The following UBR2 variants were observed in gnomAD, a reference collection of about 807,000 sequenced individuals.
The protein encoded by UBR2 is E3 ubiquitin-protein ligase UBR2.
In UBR2, 92 loss-of-function variants were observed where a neutral mutation model predicts 247.9. The observed-to-expected ratio is 0.37, with a 90% confidence interval of 0.31 to 0.44. The LOEUF is 0.44. Among genes scored for constraint, UBR2 ranks in the 20% least tolerant of loss-of-function variants. The pLI is 1.00. For missense variants in UBR2, 1,613 were observed against 2,112.6 expected, an observed-to-expected ratio of 0.76 and a Z score of 4.64; for synonymous variants, 672 against 693.5, an observed-to-expected ratio of 0.97 and a Z score of 0.49.
Position 42,691,505 on chromosome 6 carries a change from G to A in UBR2, c.*332G>A, listed in dbSNP as rs145173254. 213 of 300,970 alleles carry A rather than the reference G, an allele frequency of 7.1e-4. 3 individuals are homozygous for A. In the East Asian group the frequency reaches 9.4e-3, roughly 13 times the overall value. 18.6% of individuals were successfully genotyped at this position (300,970 alleles called of 1,614,324 possible). A position where few individuals can be genotyped will look rare whatever the true frequency, so the allele number is the denominator to read the frequency against. The stretch of plus-strand genomic sequence containing the variant: ...TTCACGTTATTGATGATAGTGAACC[G>A]TGGGTCCGAAGCTGACTCAACGGAG... On this transcript the variant is annotated 3_prime_UTR_variant, in exon 47 of 47. Coordinates refer to ENST00000372901, the MANE Select transcript of UBR2 (RefSeq NM_001363705.2).
At chr6:42,671,251 TA>T (rs1319706897) in intron 36 of UBR2, among the ~76,000 whole-genome samples, 4 of 151,346 alleles carry the variant, frequency 2.6e-5, no homozygotes, top group Admixed American at 6.6e-5. Flanking sequence ...ACACAAATTT[TA>T]AAATTGGCTA....
intron 11 of UBR2, among the ~76,000 whole-genome samples, chr6:42,631,676 G>A (rs1246665431): frequency 1.3e-5 from 2 of 151,402 alleles, no homozygotes; most frequent in Admixed American, 6.6e-5. Flanking sequence ...AAAGAATGAC[G>A]AGCATTTGTA....
rs1358137370 is a variant in UBR2 at position 42,615,196 on chromosome 6, T to G, written c.1093+18T>G. The G allele has an allele frequency of 6.3e-7, 1 of 1,593,186 alleles. No homozygotes were observed. The highest frequency in any genetic ancestry group is 2.3e-5 in the East Asian group (1 of 44,372). On this transcript the variant is annotated intron_variant, in intron 9 of 46. Transcript: ENST00000372901. Reference sequence around the variant, plus strand: ...ATGGAAAGGTGAATCTCTTAACTACTTTTAAGGTGTAGAGGAACCTATATA... The same window carrying G: ...ATGGAAAGGTGAATCTCTTAACTACGTTTAAGGTGTAGAGGAACCTATATA...
Position 42,659,624 on chromosome 6 carries a change from CATTA to C in UBR2, c.3243-27_3243-24del. 3 of 1,593,302 alleles carry C rather than the reference CATTA, an allele frequency of 1.9e-6. No homozygotes were observed. The South Asian group carries it at 3.4e-5, about 18-fold the overall frequency. ...GTGATTATATAGAAAGTTTTGGGAT[CATTA>C]ATTATATTCATAACCTTTGTATTGC... On this transcript the variant is annotated intron_variant, in intron 29 of 46. Coordinates refer to ENST00000372901, the MANE Select transcript of UBR2 (RefSeq NM_001363705.2). The surrounding 1 kb of genome is among the most constrained non-coding windows in gnomAD (Gnocchi z 4.3).
At chr6:42,587,943 G>A (rs1330888947) in intron 2 of UBR2, among the ~76,000 whole-genome samples, 1 of 152,060 alleles carries the variant, frequency 6.6e-6, no homozygotes, top group Non-Finnish European at 1.5e-5. Context: ...TCTGACACCA[G>A]GTATGTGGGT....
At chr6:42,587,456 C>G (rs1238524956) in intron 2 of UBR2, among the ~76,000 whole-genome samples, 1 of 152,100 alleles carries the variant, frequency 6.6e-6, no homozygotes, top group Non-Finnish European at 1.5e-5. Context: ...CTCCCAGGTT[C>G]AAGCAATCCT....
chr6:42,671,727 G>C (rs1254029206), intron 36 of UBR2, among the ~76,000 whole-genome samples: 2 of 151,794 alleles, frequency 1.3e-5, no homozygotes, highest in African/African-American at 2.4e-5. Context: ...TGCCTCTGTG[G>C]CTCCTGCCTC....
chr6:42,583,946 A>G (rs1222096501), intron 2 of UBR2, among the ~76,000 whole-genome samples: 1 of 151,224 alleles, frequency 6.6e-6, no homozygotes, highest in African/African-American at 2.4e-5. Context: ...TTCTTGACAT[A>G]CAGATATTTA....
At chr6:42,687,390 A>G (rs879834837) in intron 44 of UBR2, among the ~76,000 whole-genome samples, 96 of 152,230 alleles carry the variant, frequency 6.3e-4, no homozygotes, top group Non-Finnish European at 9.8e-4. Flanking sequence ...AGGCTGAGAC[A>G]GGAGAATCAG....
At position 42,564,301 on chromosome 6, in the gene UBR2, G is replaced by GGGA. The variant is rs773109755; in HGVS notation, c.-8_-6dup. The GGGA allele has an allele frequency of 3.7e-6, 6 of 1,603,878 alleles. No individual in the cohort carries two copies. The highest frequency in any genetic ancestry group is 4.3e-6 in the Non-Finnish European group (5 of 1,176,154). On this transcript the variant is annotated 5_prime_UTR_variant, in exon 1 of 47. Coordinates refer to ENST00000372901, the MANE Select transcript of UBR2 (RefSeq NM_001363705.2). ...AGCTCTCCGGGCGGCGGTAGCGCTG[G>GGGA]GGAGGAGGAGGAGAGAAGATGGCGT...
At chr6:42,595,110 G>A (rs1389873970) in intron 4 of UBR2, among the ~76,000 whole-genome samples, 1 of 152,042 alleles carries the variant, frequency 6.6e-6, no homozygotes, top group Non-Finnish European at 1.5e-5. Context: ...AGCAAATCAG[G>A]GTAATTAACA....
At chr6:42,660,865 G>A (rs1418699173) in intron 30 of UBR2, among the ~76,000 whole-genome samples, 1 of 151,868 alleles carries the variant, frequency 6.6e-6, no homozygotes, top group Non-Finnish European at 1.5e-5. Flanking sequence ...TACTCAAGAG[G>A]CTGAGGCATG....
chr6:42,613,441 G>A (rs1794218346), intron 8 of UBR2, among the ~76,000 whole-genome samples: 1 of 152,170 alleles, frequency 6.6e-6, no homozygotes. Flanking sequence ...TATCTTTCCA[G>A]GCTGACACGG....
At position 42,625,848 on chromosome 6, in the gene UBR2, C is replaced by T. The variant is rs150708006; in HGVS notation, c.1282-6704C>T. ...TTTTTTTTTGAGGCGGAGTCTCGCTCTGTCGCCCAGGTTGGAGTGCAGTGG... is the reference window on the plus strand; with the variant it reads ...TTTTTTTTTGAGGCGGAGTCTCGCTTTGTCGCCCAGGTTGGAGTGCAGTGG... On this transcript the variant is annotated intron_variant, in intron 11 of 46. Transcript: ENST00000372901. 1.5e-3 allele frequency among the ~76,000 whole-genome samples: 220 copies of T among 148,682 alleles called. 2 individuals are homozygous for T. Among genetic ancestry groups the T allele is most frequent in the African/African-American group, 4.7e-3 (189 of 40,306 alleles).
chr6:42,564,378 C>T lies in UBR2; in HGVS notation c.59C>T (p.Ser20Leu). ...QAIDRSLLECSAEEIAGKWLQ... is the reference protein window; with the variant it reads ...QAIDRSLLECLAEEIAGKWLQ... Reference sequence around the variant, plus strand: ...ATCGACCGGAGCTTGCTGGAATGTTCGGCCGAGGAGATTGCGGGGGTGAGT... The same window carrying T: ...ATCGACCGGAGCTTGCTGGAATGTTTGGCCGAGGAGATTGCGGGGGTGAGT... Residue 20 changes from serine (S) to leucine (L), a missense_variant, in exon 1 of 47, where the codon TCG becomes TTG. Ser to Leu is a moderately radical substitution (Grantham distance 145). Around this residue, in one of 3 missense-constraint regions of UBR2, gnomAD observed 1,524 missense variants for 1,967.3 expected, o/e 0.77. Transcript: ENST00000372901. 6.2e-7 allele frequency: 1 copy of T among 1,610,460 alleles called. No homozygotes were observed. The highest frequency in any genetic ancestry group is 8.5e-7 in the Non-Finnish European group (1 of 1,178,560).
In UBR2 at chr6:42,686,962, G is replaced by T. The variant is rs564827494; in HGVS notation, c.4854-1254G>T. Among the ~76,000 whole-genome samples, 6 of 151,414 alleles carry T rather than the reference G, an allele frequency of 4.0e-5. No individual in the cohort carries two copies. The South Asian group carries it at 1.3e-3, about 32-fold the overall frequency. ...CAGAGGCGCTCCCCACATCCCAGAC[G>T]ATGGGCGGCCGGGCAGAGACGCTCC... is the stretch of plus-strand genomic sequence containing the variant. On this transcript the variant is annotated intron_variant, in intron 44 of 46. Transcript: ENST00000372901.
rs1005527200 is a variant in UBR2, at chr6:42,605,721, A to G, written c.663A>G (p.Val221=). The G allele has an allele frequency of 1.3e-6, 2 of 1,596,364 alleles. No individual in the cohort carries two copies. Among genetic ancestry groups the G allele is most frequent in the Middle Eastern group, 1.7e-4 (1 of 5,972 alleles). ...ATATCATGAATATTTTATCACACAG[A>G]GAGAAGAGTGACACCTACTATTGCA... ...ESELPADLEM[V]EKSDTYYCML... is the part of the protein sequence containing the mutation. Residue 221 remains valine (V), a splice_region_variant and synonymous_variant, in exon 6 of 47, where the codon GTA becomes GTG. Transcript: ENST00000372901.
chr6:42,648,522 G>A (rs1796918683), intron 22 of UBR2, among the ~76,000 whole-genome samples: 1 of 152,110 alleles, frequency 6.6e-6, no homozygotes, highest in African/African-American at 2.4e-5. Context: ...CCTAAATTGT[G>A]GGATAGCCTC....
Position 42,603,717 on chromosome 6 carries a change from G to C in UBR2, c.661G>C (p.Val221Leu), listed in dbSNP as rs1369850302. Reference sequence around the variant, plus strand: ...TGAATTGCCAGCAGATTTAGAGATGGTGTAAGTATAACCTGTTTATTCTTC... The same window carrying C: ...TGAATTGCCAGCAGATTTAGAGATGCTGTAAGTATAACCTGTTTATTCTTC... ...ESELPADLEM[V>L]EKSDTYYCML... is the part of the protein sequence containing the mutation. Residue 221 changes from valine (V) to leucine (L), a missense_variant and splice_region_variant, in exon 5 of 47, where the codon GTA (valine) becomes CTA (leucine). Val to Leu is a conservative substitution (Grantham distance 32). Coordinates refer to ENST00000372901, the MANE Select transcript of UBR2 (RefSeq NM_001363705.2). 6.3e-7 allele frequency: 1 copy of C among 1,597,644 alleles called. No homozygotes were observed. Among genetic ancestry groups the C allele is most frequent in the Admixed American group, 1.8e-5 (1 of 54,640 alleles).
Sources: gnomAD v4.1 joint callset for allele counts (sites outside exome capture counted in the v4.1 genomes callset) on GRCh38, gnomAD v4.1.1 for gene constraint, gnomAD v4.1.1 regional missense constraint, Gnocchi (gnomAD v3.1) non-coding constraint, MANE v1.5 for transcripts, NCBI Gene and HGNC (gene_info 2026-07-23, HGNC 2026-07-21) for gene names.